ATP8A2: variants seen among roughly 807,000 people sequenced by gnomAD.
ATP8A2 encodes ATPase phospholipid transporting 8A2, also known as phospholipid-transporting ATPase IB.
ATP8A2 carries 100 observed loss-of-function variants against 165.6 expected under a neutral mutation model. That is an observed-to-expected ratio of 0.60 (90% confidence interval 0.51 to 0.71). The LOEUF is 0.71. Ranked by LOEUF, ATP8A2 falls within the 30% of genes least tolerant of loss-of-function variation. The pLI, the probability that ATP8A2 is intolerant of heterozygous loss-of-function variation, is 0.00. For synonymous variants in ATP8A2, 543 were observed against 548.8 expected (o/e 0.99, Z 0.15); for missense variants, 1,227 against 1,479.5 (o/e 0.83, Z 2.80).
At chr13:25,577,162 C>A (rs754129053) in intron 20 of ATP8A2, 24 bp downstream of exon 20, 2 of 1,602,480 alleles carry the variant, frequency 1.2e-6, no homozygotes, top group African/African-American at 2.7e-5. Flanking sequence ...AAGCGTTGTG[C>A]GTAGCGGAGT....
chr13:25,667,923 A>C (rs969642999), intron 24 of ATP8A2, among the ~76,000 whole-genome samples: 1 of 152,112 alleles, frequency 6.6e-6, no homozygotes, highest in Admixed American at 6.5e-5. Context: ...GTGTAGCTTC[A>C]ATAGCATATA....
chr13:25,650,495 C>T (rs2137625678), intron 24 of ATP8A2, among the ~76,000 whole-genome samples: 1 of 152,236 alleles, frequency 6.6e-6, no homozygotes, highest in Non-Finnish European at 1.5e-5. Flanking sequence ...ATATACCCTT[C>T]CAGTTTTTAT....
At chr13:25,417,969 T>A (rs924982167) in intron 1 of ATP8A2, among the ~76,000 whole-genome samples, 1 of 152,220 alleles carries the variant, frequency 6.6e-6, no homozygotes, top group African/African-American at 2.4e-5. Context: ...TGTACCATGA[T>A]CCCAGGACTC....
chr13:25,912,622 G>C (rs539166175), intron 33 of ATP8A2, among the ~76,000 whole-genome samples: 1 of 152,122 alleles, frequency 6.6e-6, no homozygotes, highest in Admixed American at 6.5e-5. Flanking sequence ...CATTGTATTC[G>C]TGAATCATGG....
At chr13:25,578,360 C>T (rs1330388375) in intron 20 of ATP8A2, among the ~76,000 whole-genome samples, 1 of 152,184 alleles carries the variant, frequency 6.6e-6, no homozygotes, top group Non-Finnish European at 1.5e-5. Context: ...CTGTGTGTTT[C>T]TTGGCAGAAC....
chr13:25,670,642 C>T (rs564958473), intron 24 of ATP8A2, among the ~76,000 whole-genome samples: 89 of 152,262 alleles, frequency 5.8e-4, no homozygotes, highest in African/African-American at 1.6e-3. Flanking sequence ...AATGAATTTG[C>T]GGAGCCTGAA....
intron 8 of ATP8A2, 83 bp downstream of exon 8, chr13:25,540,471 A>G (rs2038437037): frequency 2.9e-6 from 3 of 1,024,228 alleles, no homozygotes; most frequent in Non-Finnish European, 4.6e-6. Flanking sequence ...CTAGAGAAAT[A>G]AAATATTCAG....
chr13:25,973,646 T>A (rs1273345603), intron 35 of ATP8A2, among the ~76,000 whole-genome samples: 1 of 152,250 alleles, frequency 6.6e-6, no homozygotes, highest in Non-Finnish European at 1.5e-5. Context: ...CCTGTCATGC[T>A]TTGATCTTTA....
rs79184552 is a variant in ATP8A2, at chr13:25,430,140, G to T, written c.77-38837G>T. ...GGAGGAGCAGTCAGGACCTCCAGGT[G>T]GGGGTGTCTAGTAAGCAGCTATAAA... On this transcript the variant is annotated intron_variant, in intron 1 of 36. Coordinates refer to ENST00000381655, the MANE Select transcript of ATP8A2 (RefSeq NM_016529.6). Among the ~76,000 whole-genome samples, 1,504 of 152,278 alleles carry T rather than the reference G, an allele frequency of 9.9e-3. 31 individuals carry two copies. The highest frequency in any genetic ancestry group is 0.034 in the African/African-American group (1,401 of 41,546).
At chr13:25,897,138 T>G (rs1953579265) in intron 33 of ATP8A2, among the ~76,000 whole-genome samples, 1 of 152,238 alleles carries the variant, frequency 6.6e-6, no homozygotes, top group South Asian at 2.1e-4. Flanking sequence ...TTGATGGTCT[T>G]TACAGTTTGG....
At chr13:25,597,873 T>C (rs983318026) in intron 24 of ATP8A2, among the ~76,000 whole-genome samples, 1 of 152,214 alleles carries the variant, frequency 6.6e-6, no homozygotes, top group Non-Finnish European at 1.5e-5. Flanking sequence ...TTTTTTAATT[T>C]TGTTGAAGTC....
At position 25,923,694 on chromosome 13, in the gene ATP8A2, TA is replaced by T. The variant is rs373096826; in HGVS notation, c.3184-37872del. Among the ~76,000 whole-genome samples, 101 of 148,898 alleles carry T rather than the reference TA, an allele frequency of 6.8e-4. No individual in the cohort carries two copies. The Middle Eastern group carries it at 0.01, about 15-fold the overall frequency. On this transcript the variant is annotated intron_variant, in intron 33 of 36. Transcript: ENST00000381655. ...TGTCCCCTAGAAGACATCAAAATAA[TA>T]AAAAAAAATGGACATGAAAGATGTC...
rs184995883 is a variant in ATP8A2, at chr13:25,974,103, C to T, written c.3377+5424C>T. The stretch of plus-strand genomic sequence containing the variant: ...GAAGCAGAGAAGCGAGTGCAGACGG[C>T]GGAGACAGATGACCTGAGCTGGGCT... On this transcript the variant is annotated intron_variant, in intron 35 of 36. Coordinates refer to ENST00000381655, the MANE Select transcript of ATP8A2 (RefSeq NM_016529.6). Among the ~76,000 whole-genome samples the T allele has an allele frequency of 5.3e-5, 8 of 152,268 alleles. No homozygotes were observed. The East Asian group carries it at 7.7e-4, about 15-fold the overall frequency.
intron 17 of ATP8A2, 83 bp downstream of exon 17, chr13:25,570,955 G>A: frequency 3.0e-6 from 3 of 999,674 alleles, no homozygotes; most frequent in Non-Finnish European, 4.5e-6. Flanking sequence ...GTGTTGCCAT[G>A]TAGTCCGTCC....
intron 35 of ATP8A2, among the ~76,000 whole-genome samples, chr13:25,973,601 G>A (rs748423186): frequency 1.3e-5 from 2 of 152,138 alleles, no homozygotes; most frequent in African/African-American, 4.8e-5. Context: ...ACAAACTCCC[G>A]AATGCATTCT....
At chr13:25,560,747 A>G (rs970804118) in intron 15 of ATP8A2, among the ~76,000 whole-genome samples, 10 of 150,394 alleles carry the variant, frequency 6.6e-5, no homozygotes, top group African/African-American at 2.4e-4. Flanking sequence ...ACATTTAGAC[A>G]TTGTTTGACT....
At chr13:25,616,497 A>T (rs2040831153) in intron 24 of ATP8A2, among the ~76,000 whole-genome samples, 1 of 151,660 alleles carries the variant, frequency 6.6e-6, no homozygotes, top group Middle Eastern at 3.4e-3. Flanking sequence ...ATGCACAGAT[A>T]ATTTTGTTAT....
chr13:25,408,517 G>T (rs1186501363), intron 1 of ATP8A2, among the ~76,000 whole-genome samples: 1 of 152,200 alleles, frequency 6.6e-6, no homozygotes, highest in Admixed American at 6.5e-5. Flanking sequence ...GCACACTGAT[G>T]TGTTAATCTT....
chr13:25,373,532 C>T (rs2032502999), intron 1 of ATP8A2, among the ~76,000 whole-genome samples: 1 of 152,124 alleles, frequency 6.6e-6, no homozygotes, highest in African/African-American at 2.4e-5. Context: ...AAGGTGGAGG[C>T]AGCCTGAGGA....
Sources: allele counts gnomAD v4.1 joint callset (sites outside exome capture counted in the v4.1 genomes callset), GRCh38; gene constraint gnomAD v4.1.1; transcripts MANE v1.5; gene names NCBI Gene and HGNC (gene_info 2026-07-23, HGNC 2026-07-21).